The following NAV2 variants were observed in gnomAD, a reference collection of about 807,000 sequenced individuals.
The protein encoded by NAV2 is helicase, APC down-regulated 1.
NAV2 carries 54 observed loss-of-function variants against 223.2 expected under a neutral mutation model. The ratio of observed to expected loss-of-function variants is 0.24; its 90% confidence interval spans 0.19 to 0.30. NAV2 has a LOEUF of 0.30. NAV2 is among the 10% of genes least tolerant of loss of function. The pLI is 1.00. For missense variants in NAV2, 2,806 were observed against 3,147.5 expected, an observed-to-expected ratio of 0.89 and a Z score of 2.60; for synonymous variants, 1,279 against 1,239.3, an observed-to-expected ratio of 1.03 and a Z score of -0.67.
chr11:19,946,759 G>C (rs6483622), intron 9 of NAV2, among the ~76,000 whole-genome samples: 2,841 of 152,308 alleles, frequency 0.019, 80 homozygotes, highest in African/African-American at 0.065. Context: ...CTGTAGACCA[G>C]CTCTATTTAA....
intron 1 of NAV2, among the ~76,000 whole-genome samples, chr11:19,690,623 G>A (rs2049147176): frequency 6.6e-6 from 1 of 152,218 alleles, no homozygotes; most frequent in South Asian, 2.1e-4. Flanking sequence ...GGGGACACAT[G>A]TGTTGGTTCC....
intron 1 of NAV2, among the ~76,000 whole-genome samples, chr11:19,475,438 A>G (rs913516260): frequency 6.6e-6 from 1 of 152,220 alleles, no homozygotes; most frequent in Non-Finnish European, 1.5e-5. Flanking sequence ...AGTTTAAAAA[A>G]ATGGGAGGCC....
At chr11:19,510,351 C>T (rs1400720400) in intron 1 of NAV2, among the ~76,000 whole-genome samples, 1 of 152,158 alleles carries the variant, frequency 6.6e-6, no homozygotes, top group Non-Finnish European at 1.5e-5. Context: ...GGATGCTGTC[C>T]TGAAACCTAC....
At chr11:19,708,624 A>G (rs371152229), upstream of NAV2, among the ~76,000 whole-genome samples, 31 of 152,290 alleles carry the variant, frequency 2.0e-4, no homozygotes, top group East Asian at 4.5e-3. Context: ...TTCACACTCA[A>G]CTAATCACAA....
chr11:19,434,346 T>C (rs926329097), intron 1 of NAV2, among the ~76,000 whole-genome samples: 4 of 152,244 alleles, frequency 2.6e-5, no homozygotes, highest in Non-Finnish European at 4.4e-5. Context: ...GGTTCATTTC[T>C]GTGTGATTAG....
intron 11 of NAV2, among the ~76,000 whole-genome samples, chr11:20,031,436 C>T (rs1443609538): frequency 6.6e-6 from 1 of 152,196 alleles, no homozygotes; most frequent in African/African-American, 2.4e-5. Context: ...TCCCATCTGA[C>T]TCTCAACCAC....
chr11:19,846,748 C>T (rs2060833891), intron 3 of NAV2, among the ~76,000 whole-genome samples: 1 of 152,192 alleles, frequency 6.6e-6, no homozygotes, highest in African/African-American at 2.4e-5. Flanking sequence ...TTTCCATCAG[C>T]ATTTGTAACC....
chr11:19,366,891 T>C (rs1466966972), intron 1 of NAV2, among the ~76,000 whole-genome samples: 1 of 152,230 alleles, frequency 6.6e-6, no homozygotes, highest in African/African-American at 2.4e-5. Flanking sequence ...TAGAGTATAC[T>C]AGCTGCAGTT....
Position 20,049,088 on chromosome 11 carries a change from A to G in NAV2, c.4263A>G (p.Gly1421=), listed in dbSNP as rs1460829935. The change falls in exon 15 of 38, where the codon GGA becomes GGG. Residue 1421 remains glycine, a synonymous_variant. Coordinates refer to ENST00000349880, the MANE Select transcript of NAV2 (RefSeq NM_145117.5). Reference sequence around the variant, plus strand: ...CCATCGACATCTCCCTCAGCAGTGGAGGGGTCCCCAGCCACAATTCTTCCA... The same window carrying G: ...CCATCGACATCTCCCTCAGCAGTGGGGGGGTCCCCAGCCACAATTCTTCCA... ...CESIDISLSS[G]GVPSHNSSTG... 2 of 1,614,042 alleles carry G rather than the reference A, an allele frequency of 1.2e-6. No individual in the cohort carries two copies. The highest frequency in any genetic ancestry group is 1.7e-6 in the Non-Finnish European group (2 of 1,180,010).
intron 10 of NAV2, among the ~76,000 whole-genome samples, chr11:19,969,875 G>T (rs1051332056): frequency 6.6e-6 from 1 of 151,814 alleles, no homozygotes; most frequent in South Asian, 2.1e-4. Context: ...GAACCCGGGA[G>T]GCGGAGCTTG....
intron 4 of NAV2, among the ~76,000 whole-genome samples, chr11:19,875,872 G>C (rs1296284132): frequency 6.6e-6 from 1 of 152,160 alleles, no homozygotes; most frequent in Non-Finnish European, 1.5e-5. Flanking sequence ...GATGAGCAGA[G>C]AGAATGGACC....
chr11:19,885,009 A>C (rs1027044123), intron 5 of NAV2, among the ~76,000 whole-genome samples: 2 of 152,050 alleles, frequency 1.3e-5, no homozygotes, highest in Non-Finnish European at 2.9e-5. Context: ...TCAGACTTCA[A>C]CCTGTCTGCT....
At chr11:19,880,988 T>C (rs2063169209) in intron 5 of NAV2, among the ~76,000 whole-genome samples, 1 of 152,250 alleles carries the variant, frequency 6.6e-6, no homozygotes, top group South Asian at 2.1e-4. Flanking sequence ...TTGCTTGATT[T>C]CATCCAATAT....
At chr11:19,757,445 G>A (rs917552885) in intron 1 of NAV2, among the ~76,000 whole-genome samples, 1 of 152,220 alleles carries the variant, frequency 6.6e-6, no homozygotes, top group East Asian at 1.9e-4. Flanking sequence ...GTGGTGACAA[G>A]AAGAGAGTTT....
chr11:19,625,607 T>C (rs1261388479), intron 1 of NAV2, among the ~76,000 whole-genome samples: 1 of 152,236 alleles, frequency 6.6e-6, no homozygotes, highest in Admixed American at 6.5e-5. Flanking sequence ...GTTCTATTTG[T>C]AGTTTTTTGA....
intron 1 of NAV2, among the ~76,000 whole-genome samples, chr11:19,753,002 G>A (rs1023442126): frequency 1.3e-5 from 2 of 152,052 alleles, no homozygotes; most frequent in Non-Finnish European, 2.9e-5. Flanking sequence ...GGAGATGAAG[G>A]TATTAGACTC....
chr11:19,416,807 C>T lies in NAV2; in HGVS notation c.75+65780C>T, dbSNP rs545671267. 2.6e-5 allele frequency among the ~76,000 whole-genome samples: 4 copies of T among 152,302 alleles called. No homozygotes were observed. In the South Asian group the frequency reaches 8.3e-4, roughly 32 times the overall value. On this transcript the variant is annotated intron_variant, in intron 1 of 37. Transcript: ENST00000360655. The stretch of plus-strand genomic sequence containing the variant: ...AATAGTGCCACACATCTACAACCAC[C>T]TGATCTTTGACAAACCTGACAAAAA...
In NAV2 at chr11:19,832,495, C is replaced by T; in HGVS notation, c.279C>T (p.Asp93=). 6.2e-7 allele frequency: 1 copy of T among 1,613,706 alleles called. No individual in the cohort carries two copies. Among genetic ancestry groups the T allele is most frequent in the South Asian group, 1.1e-5 (1 of 91,082 alleles). The part of the protein sequence containing the change: ...ENGFDTQIYT[D]WANHYLAKSG... ...TGCTTTTTTTACAGATCTACACAGA[C>T]TGGGCCAATCATTACCTAGCCAAAT... Residue 93 remains aspartate (D), a synonymous_variant, in exon 2 of 38, where the codon GAC becomes GAT. Transcript: ENST00000349880.
intron 6 of NAV2, among the ~76,000 whole-genome samples, chr11:19,895,954 G>A (rs1012828067): frequency 3.9e-5 from 6 of 152,048 alleles, no homozygotes; most frequent in South Asian, 2.1e-4. Context: ...GTTCTGTCTC[G>A]GGGAGGGACG....
Sources: allele counts gnomAD v4.1 joint callset (sites outside exome capture counted in the v4.1 genomes callset), GRCh38; gene constraint gnomAD v4.1.1; transcripts MANE v1.5; gene names NCBI Gene and HGNC (gene_info 2026-07-23, HGNC 2026-07-21).